Variants in CD247 observed in about 807,000 individuals in gnomAD.
CD247 encodes CD247 molecule.
A neutral mutation model predicts 30.0 loss-of-function variants in CD247; 13 were observed. That is an observed-to-expected ratio of 0.43 (90% confidence interval 0.28 to 0.69). The LOEUF is 0.69. Ranked by LOEUF, CD247 falls within the 30% of genes least tolerant of loss-of-function variation. CD247 has a pLI of 0.16. For missense variants in CD247, 193 were observed against 212.6 expected, an observed-to-expected ratio of 0.91 and a Z score of 0.57; for synonymous variants, 72 against 80.0, an observed-to-expected ratio of 0.90 and a Z score of 0.53.
At chr1:167,439,272 C>T (rs1651696500) in intron 3 of CD247, 72 bp downstream of exon 3, 2 of 1,382,164 alleles carry the variant, frequency 1.4e-6, no homozygotes, top group Non-Finnish European at 2.1e-6. Flanking sequence ...AAGACTCTGG[C>T]GGGCGCGTTC....
chr1:167,495,692 G>T lies in CD247; in HGVS notation c.58+22716C>A, dbSNP rs545407948. 4.0e-5 allele frequency among the ~76,000 whole-genome samples: 6 copies of T among 151,472 alleles called. No homozygotes were observed. In the East Asian group the frequency reaches 1.2e-3, roughly 29 times the overall value. ...TCCCCAAACCCCCAGAACTCAATAC[G>T]TCTGACCTCACCTCCTACTGGCCTT... is the stretch of plus-strand genomic sequence containing the variant. On this transcript the variant is annotated intron_variant, in intron 1 of 7. Transcript: ENST00000362089.
Position 167,439,551 on chromosome 1 carries a change from G to A in CD247, c.163-151C>T, listed in dbSNP as rs540162879. 4.4e-6 allele frequency: 3 copies of A among 684,624 alleles called. No homozygotes were observed. The African/African-American group carries it at 5.4e-5, about 12-fold the overall frequency. The allele number at this position is 684,624 out of a possible 1,614,324, so 42.4% of individuals were successfully genotyped here. On this transcript the variant is annotated intron_variant, in intron 2 of 7. Coordinates refer to ENST00000362089, the MANE Select transcript of CD247 (RefSeq NM_198053.3). ...TGCCTCCTGGGGCTGAGCCCTTGCA[G>A]GGGCCGGGGCGTGGCAGCCCCTTTT...
At chr1:167,509,967 A>G (rs537584138) in intron 1 of CD247, among the ~76,000 whole-genome samples, 2 of 152,326 alleles carry the variant, frequency 1.3e-5, no homozygotes, top group South Asian at 4.1e-4. Flanking sequence ...CTATGCAGCT[A>G]TGAAGAAGCC....
intron 1 of CD247, among the ~76,000 whole-genome samples, chr1:167,449,970 T>C (rs1037847816): frequency 6.6e-6 from 1 of 152,198 alleles, no homozygotes; most frequent in Non-Finnish European, 1.5e-5. Flanking sequence ...TTTAGTATTA[T>C]GTTATAATCT....
intron 1 of CD247, among the ~76,000 whole-genome samples, chr1:167,516,767 T>C (rs951138757): frequency 1.5e-4 from 23 of 152,142 alleles, no homozygotes; most frequent in African/African-American, 5.1e-4. Context: ...TGCAGTTTTC[T>C]CCTCCTGCCC....
chr1:167,487,419 G>T (rs548224317), intron 1 of CD247, among the ~76,000 whole-genome samples: 86 of 152,274 alleles, frequency 5.6e-4, no homozygotes, highest in Admixed American at 1.7e-3. Flanking sequence ...GCAGCTCCAT[G>T]GCAGGCAGGT....
chr1:167,443,376 C>T (rs984529896), intron 1 of CD247, among the ~76,000 whole-genome samples: 2 of 152,200 alleles, frequency 1.3e-5, no homozygotes, highest in African/African-American at 4.8e-5. Context: ...GCCCTCTGGC[C>T]CCAAGGTATT....
chr1:167,506,227 TTTC>T (rs1396158749), intron 1 of CD247, among the ~76,000 whole-genome samples: 1 of 59,998 alleles, frequency 1.7e-5, no homozygotes, highest in Non-Finnish European at 3.1e-5. Context: ...TCTTTTTTCT[TTTC>T]TTTTCTTTTC....
chr1:167,473,273 G>A (rs1483988387), intron 1 of CD247, among the ~76,000 whole-genome samples: 2 of 152,160 alleles, frequency 1.3e-5, no homozygotes, highest in Admixed American at 6.5e-5. Flanking sequence ...CGCCCAGGGG[G>A]CAAGTGTGGT....
chr1:167,470,504 TAAAAA>T (rs55679205), intron 1 of CD247, among the ~76,000 whole-genome samples: 1 of 122,478 alleles, frequency 8.2e-6, no homozygotes, highest in African/African-American at 3.3e-5. Context: ...ATGTTAATTG[TAAAAA>T]AAAAAAAAAA....
At chr1:167,456,116 A>G (rs1047614042) in intron 1 of CD247, among the ~76,000 whole-genome samples, 6 of 152,160 alleles carry the variant, frequency 3.9e-5, no homozygotes, top group African/African-American at 1.4e-4. Flanking sequence ...CTCGGAATCA[A>G]CAGCTGCTTT....
chr1:167,431,596 G>T lies in CD247; in HGVS notation c.*85C>A. ...GAATACTTCAGTGGCTGAGAAGAGT[G>T]AACCGGGTTGTAAATGCTTCATCCT... On this transcript the variant is annotated 3_prime_UTR_variant, in exon 8 of 8. Transcript: ENST00000362089. 1 of 1,116,260 alleles carries T rather than the reference G, an allele frequency of 9.0e-7. No individual in the cohort carries two copies. The highest frequency in any genetic ancestry group is 1.2e-5 in the South Asian group (1 of 81,120). The allele number at this position is 1,116,260 out of a possible 1,614,324, so 69.1% of individuals were successfully genotyped here. A position where few individuals can be genotyped will look rare whatever the true frequency, so the allele number is the denominator to read the frequency against.
intron 1 of CD247, among the ~76,000 whole-genome samples, chr1:167,469,872 C>A (rs1031627355): frequency 1.5e-4 from 23 of 152,006 alleles, no homozygotes; most frequent in Admixed American, 4.6e-4. Context: ...TTACACACTT[C>A]TTTTGTGATT....
Position 167,431,492 on chromosome 1 carries a change from C to T in CD247, c.*189G>A. 1.5e-6 allele frequency: 1 copy of T among 675,622 alleles called. No homozygotes were observed. The highest frequency in any genetic ancestry group is 1.7e-5 in the South Asian group (1 of 59,536). 41.9% of individuals were successfully genotyped at this position (675,622 alleles called of 1,614,324 possible). A position where few individuals can be genotyped will look rare whatever the true frequency, so the allele number is the denominator to read the frequency against. The stretch of plus-strand genomic sequence containing the variant: ...GGCCGTAAGCCCTGGGAGTACACTC[C>T]CTTAAAGAGTGCAGGGACAACAGTC... On this transcript the variant is annotated 3_prime_UTR_variant, in exon 8 of 8. Coordinates refer to ENST00000362089, the MANE Select transcript of CD247 (RefSeq NM_198053.3).
At chr1:167,465,589 CA>C (rs1028203674) in intron 1 of CD247, among the ~76,000 whole-genome samples, 51 of 152,252 alleles carry the variant, frequency 3.3e-4, no homozygotes, top group African/African-American at 1.1e-3. Context: ...CCTAGGCCTC[CA>C]AAAGTTCTGG....
chr1:167,516,451 A>G (rs1384320501), intron 1 of CD247, among the ~76,000 whole-genome samples: 1 of 152,244 alleles, frequency 6.6e-6, no homozygotes, highest in Non-Finnish European at 1.5e-5. Context: ...AAAAGTAGAC[A>G]TTTTAAAAGG....
intron 1 of CD247, among the ~76,000 whole-genome samples, chr1:167,451,779 G>A (rs369899871): frequency 1.1e-3 from 166 of 152,300 alleles, no homozygotes; most frequent in African/African-American, 3.9e-3. Context: ...CATTAGTGGG[G>A]GCCCTGATCC....
At chr1:167,486,519 C>T (rs1394647014) in intron 1 of CD247, among the ~76,000 whole-genome samples, 3 of 152,238 alleles carry the variant, frequency 2.0e-5, no homozygotes, top group Non-Finnish European at 4.4e-5. Context: ...GCCCAGATGA[C>T]CTCAGGCCCA....
intron 1 of CD247, among the ~76,000 whole-genome samples, chr1:167,471,710 T>A (rs549032099): frequency 6.6e-6 from 1 of 152,216 alleles, no homozygotes; most frequent in South Asian, 2.1e-4. Flanking sequence ...TCAAACGATC[T>A]TCCAGCCTCA....
Sources: allele counts gnomAD v4.1 joint callset (sites outside exome capture counted in the v4.1 genomes callset), GRCh38; gene constraint gnomAD v4.1.1; transcripts MANE v1.5; gene names NCBI Gene and HGNC (gene_info 2026-07-23, HGNC 2026-07-21).